ZNF804B: variants seen among roughly 807,000 people sequenced by gnomAD.
ZNF804B encodes the protein zinc finger protein 804B, also known as zinc finger 804B.
Under a neutral mutation model 101.4 loss-of-function variants are expected in ZNF804B, and 80 were observed. The observed-to-expected ratio is 0.79, with a 90% CI of 0.66 to 0.95. The LOEUF (loss-of-function observed/expected upper bound fraction) is 0.95, where lower values mean the gene tolerates loss of function less well. Among genes scored for constraint, ZNF804B ranks in the 40% least tolerant of loss-of-function variants. ZNF804B has a pLI of 0.00. For missense variants in ZNF804B, 1,673 were observed against 1,561.9 expected (o/e 1.07, Z -1.20); for synonymous variants, 622 against 558.8 (o/e 1.11, Z -1.59).
At chr7:88,968,400 C>T (rs1793487545) in intron 1 of ZNF804B, among the ~76,000 whole-genome samples, 1 of 151,466 alleles carries the variant, frequency 6.6e-6, no homozygotes, top group Non-Finnish European at 1.5e-5. Flanking sequence ...AATTTGTATT[C>T]TTTTTTCCTT....
intron 1 of ZNF804B, among the ~76,000 whole-genome samples, chr7:88,783,097 A>G (rs183798260): frequency 5.0e-4 from 76 of 152,284 alleles, no homozygotes; most frequent in African/African-American, 1.7e-3. Context: ...GTACCTTCAT[A>G]AAAATCATCC....
intron 1 of ZNF804B, among the ~76,000 whole-genome samples, chr7:89,015,917 C>T (rs1788547418): frequency 6.6e-6 from 1 of 151,092 alleles, no homozygotes; most frequent in South Asian, 2.1e-4. Context: ...GCCACACTGA[C>T]TTCCACAATG....
At chr7:89,111,070 C>G (rs910766557) in intron 1 of ZNF804B, among the ~76,000 whole-genome samples, 5 of 151,710 alleles carry the variant, frequency 3.3e-5, no homozygotes, top group African/African-American at 1.2e-4. Flanking sequence ...TAGCTCATTT[C>G]TTGTCATTTT....
At position 89,014,972 on chromosome 7, in the gene ZNF804B, T is replaced by C. The variant is rs148873442; in HGVS notation, c.109-203183T>C. ...CCCCTATGTTTTCCCCTAGTAGTCT[T>C]ACAGTATGGGGATTTACATTTAGAT... On this transcript the variant is annotated intron_variant, in intron 1 of 3. Transcript: ENST00000333190. Among the ~76,000 whole-genome samples, 713 of 152,326 alleles carry C rather than the reference T, an allele frequency of 4.7e-3. 7 individuals carry two copies. Among genetic ancestry groups the C allele is most frequent in the African/African-American group, 0.016 (678 of 41,582 alleles).
chr7:89,055,515 A>T (rs1396947571), intron 1 of ZNF804B, among the ~76,000 whole-genome samples: 1 of 151,928 alleles, frequency 6.6e-6, no homozygotes, highest in Admixed American at 6.6e-5. Context: ...AATGGAGGGA[A>T]ATAAATGGGA....
chr7:88,924,903 A>T (rs1044866216), intron 1 of ZNF804B, among the ~76,000 whole-genome samples: 1 of 152,176 alleles, frequency 6.6e-6, no homozygotes, highest in Admixed American at 6.6e-5. Flanking sequence ...GATTTGATGA[A>T]TAAATAATTT....
At position 89,334,425 on chromosome 7, in the gene ZNF804B, T is replaced by C. The variant is rs140797290; in HGVS notation, c.1443T>C (p.Asp481=). The change falls in exon 4 of 4, where the codon GAT becomes GAC. Residue 481 remains aspartate (D), a synonymous_variant. Coordinates refer to ENST00000333190, the MANE Select transcript of ZNF804B (RefSeq NM_181646.5). ...ATGGCTGCAACCCACTGTATTTTGA[T>C]TTTAAGCTTTCTCGGAACACAAAGG... ...ISYGCNPLYF[D]FKLSRNTKED... 442 of 1,613,606 alleles carry C rather than the reference T, an allele frequency of 2.7e-4. No individual in the cohort carries two copies. Among genetic ancestry groups the C allele is most frequent in the Non-Finnish European group, 3.5e-4 (418 of 1,179,852 alleles).
intron 2 of ZNF804B, among the ~76,000 whole-genome samples, chr7:89,271,691 T>C (rs1461205178): frequency 6.6e-6 from 1 of 152,154 alleles, no homozygotes; most frequent in African/African-American, 2.4e-5. Flanking sequence ...TGTGAATCCG[T>C]CTGGTCCTGG....
At chr7:89,324,558 A>T (rs1790868237) in intron 2 of ZNF804B, among the ~76,000 whole-genome samples, 1 of 139,168 alleles carries the variant, frequency 7.2e-6, no homozygotes, top group African/African-American at 2.6e-5. Context: ...AATTTTATTT[A>T]TTATCTTGTT....
intron 1 of ZNF804B, among the ~76,000 whole-genome samples, chr7:89,158,813 T>C (rs1791015975): frequency 6.6e-6 from 1 of 152,140 alleles, no homozygotes; most frequent in African/African-American, 2.4e-5. Context: ...ACTTGTACCT[T>C]TCTTTACCTA....
chr7:89,289,242 T>A (rs1790251333), intron 2 of ZNF804B, among the ~76,000 whole-genome samples: 1 of 152,078 alleles, frequency 6.6e-6, no homozygotes, highest in Non-Finnish European at 1.5e-5. Context: ...GCAGTTGTCG[T>A]TACGTTAAAT....
At chr7:88,987,033 C>G (rs1437052925) in intron 1 of ZNF804B, among the ~76,000 whole-genome samples, 1 of 152,020 alleles carries the variant, frequency 6.6e-6, no homozygotes, top group Non-Finnish European at 1.5e-5. Context: ...TCAAATAGCT[C>G]TATGTAATAT....
chr7:89,250,982 T>C (rs574239353), intron 2 of ZNF804B, among the ~76,000 whole-genome samples: 7 of 152,072 alleles, frequency 4.6e-5, no homozygotes, highest in Non-Finnish European at 8.8e-5. Flanking sequence ...ATAGCCAACA[T>C]CATAGTGAAT....
At chr7:89,132,991 T>G (rs1349571122) in intron 1 of ZNF804B, among the ~76,000 whole-genome samples, 2 of 152,080 alleles carry the variant, frequency 1.3e-5, no homozygotes, top group African/African-American at 4.8e-5. Flanking sequence ...TCAGATCTTT[T>G]GGCCTATGCA....
chr7:88,994,837 A>G (rs1793897796), intron 1 of ZNF804B, among the ~76,000 whole-genome samples: 1 of 152,080 alleles, frequency 6.6e-6, no homozygotes, highest in Admixed American at 6.6e-5. Context: ...AAGTTTATAA[A>G]AACAACTTAT....
At chr7:89,063,924 A>G (rs1020831500) in intron 1 of ZNF804B, among the ~76,000 whole-genome samples, 4 of 152,166 alleles carry the variant, frequency 2.6e-5, no homozygotes, top group African/African-American at 9.7e-5. Flanking sequence ...TATATTTTCA[A>G]ATTAGTAGTA....
chr7:89,131,121 C>A (rs1337408738), intron 1 of ZNF804B, among the ~76,000 whole-genome samples: 1 of 151,970 alleles, frequency 6.6e-6, no homozygotes, highest in African/African-American at 2.4e-5. Context: ...GTTCATGTAT[C>A]TGAGATCTTT....
intron 1 of ZNF804B, among the ~76,000 whole-genome samples, chr7:88,854,527 T>TTTCCTTTCCTTTCC (rs1791519535): frequency 7.5e-5 from 3 of 40,076 alleles, no homozygotes; most frequent in African/African-American, 1.0e-4. Context: ...CTTTCCTTCC[T>TTTCCTTTCCTTTCC]TTCCTTCCTT....
chr7:89,255,926 T>A (rs1294226715), intron 2 of ZNF804B, among the ~76,000 whole-genome samples: 1 of 152,128 alleles, frequency 6.6e-6, no homozygotes, highest in Non-Finnish European at 1.5e-5. Flanking sequence ...TGCTCATAAT[T>A]TTTTTAATGC....
Sources: allele counts gnomAD v4.1 joint callset (sites outside exome capture counted in the v4.1 genomes callset), GRCh38; gene constraint gnomAD v4.1.1; transcripts MANE v1.5; gene names NCBI Gene and HGNC (gene_info 2026-07-23, HGNC 2026-07-21).